Variants in DNAH11 observed in about 807,000 individuals in gnomAD.
DNAH11 encodes the protein axonemal beta dynein heavy chain 11.
Under a neutral mutation model 526.0 loss-of-function variants are expected in DNAH11, and 442 were observed. The observed-to-expected ratio is 0.84, with a 90% CI of 0.78 to 0.91. DNAH11 has a LOEUF of 0.91. DNAH11 is among the 40% of genes least tolerant of loss of function. DNAH11 has a pLI of 0.00. For missense variants in DNAH11, 6,989 were observed against 5,448.7 expected (o/e 1.28, Z -8.90); for synonymous variants, 2,461 against 1,935.9 (o/e 1.27, Z -7.12).
At chr7:21,637,854 A>G (rs953227079) in intron 27 of DNAH11, among the ~76,000 whole-genome samples, 152 bp downstream of exon 27, 3 of 152,208 alleles carry the variant, frequency 2.0e-5, no homozygotes, top group South Asian at 2.1e-4. Context: ...TGTCTCGTAC[A>G]TATGACATGG....
intron 63 of DNAH11, among the ~76,000 whole-genome samples, chr7:21,812,876 T>C (rs1419612762): frequency 6.6e-6 from 1 of 152,178 alleles, no homozygotes; most frequent in Admixed American, 6.5e-5. Flanking sequence ...TAAAGCTCTC[T>C]CATAAGTCCA....
At chr7:21,595,453 A>T (rs1053579445) in intron 14 of DNAH11, among the ~76,000 whole-genome samples, 2 of 152,318 alleles carry the variant, frequency 1.3e-5, no homozygotes, top group East Asian at 3.9e-4. Context: ...TGGATTCTGG[A>T]TATATTTTGA....
At chr7:21,582,961 C>T (rs796688793) in intron 9 of DNAH11, among the ~76,000 whole-genome samples, 1 of 151,954 alleles carries the variant, frequency 6.6e-6, no homozygotes, top group African/African-American at 2.4e-5. Flanking sequence ...ATAAAGAATT[C>T]ACGAGGATCT....
chr7:21,792,692 T>C (rs1788527367), intron 61 of DNAH11, among the ~76,000 whole-genome samples: 1 of 152,148 alleles, frequency 6.6e-6, no homozygotes, highest in Non-Finnish European at 1.5e-5. Context: ...TACATGTTCA[T>C]AGTAGTTTCT....
chr7:21,683,027 A>G (rs560587427), intron 31 of DNAH11, among the ~76,000 whole-genome samples: 4 of 152,312 alleles, frequency 2.6e-5, no homozygotes, highest in Admixed American at 2.6e-4. Context: ...ATTCTATTTT[A>G]TAAGTCTGAT....
rs1562510558 is a variant in DNAH11 at position 21,724,768 on chromosome 7, A to ATG, written c.7267-1042_7267-1041insGT. On this transcript the variant is annotated intron_variant, in intron 44 of 81. Transcript: ENST00000409508. ...GTCACTGGGCCAGGTCATCCTATGA[A>ATG]TATAGGAGTCACTGGGCCAGGTCAT... Among the ~76,000 whole-genome samples the ATG allele has an allele frequency of 4.0e-3, 603 of 150,216 alleles. 4 individuals are homozygous for ATG. The highest frequency in any genetic ancestry group is 0.014 in the Middle Eastern group (4 of 286).
chr7:21,875,687 A>G (rs892479435), intron 74 of DNAH11, among the ~76,000 whole-genome samples: 1 of 152,064 alleles, frequency 6.6e-6, no homozygotes, highest in Non-Finnish European at 1.5e-5. Flanking sequence ...TGTTAAAAAT[A>G]TGTTGCATAT....
At chr7:21,715,341 G>T (rs1784612930) in intron 42 of DNAH11, among the ~76,000 whole-genome samples, 1 of 152,208 alleles carries the variant, frequency 6.6e-6, no homozygotes, top group Non-Finnish European at 1.5e-5. Context: ...GAACAGTTCT[G>T]CAGGAAGGAG....
At chr7:21,873,951 C>T (rs190064779) in intron 74 of DNAH11, among the ~76,000 whole-genome samples, 3 of 151,908 alleles carry the variant, frequency 2.0e-5, no homozygotes, top group African/African-American at 7.2e-5. Context: ...CCACCACGCC[C>T]GGCTAATTTT....
intron 68 of DNAH11, 45 bp from the exon 69 acceptor site, chr7:21,861,808 C>A: frequency 6.2e-7 from 1 of 1,602,854 alleles, no homozygotes; most frequent in East Asian, 2.2e-5. Context: ...GCTAGACATC[C>A]AGGCACCAGT....
intron 32 of DNAH11, 67 bp from the exon 33 acceptor site, chr7:21,687,032 A>G (rs1783402764): frequency 6.8e-7 from 1 of 1,472,996 alleles, no homozygotes; most frequent in Non-Finnish European, 9.1e-7. Context: ...TTTCTAATGT[A>G]TTGCCTCTGA....
intron 74 of DNAH11, among the ~76,000 whole-genome samples, chr7:21,876,199 T>C (rs941507086): frequency 1.3e-5 from 2 of 152,150 alleles, no homozygotes; most frequent in Non-Finnish European, 2.9e-5. Context: ...AGAATATTGC[T>C]TATTTAGTGG....
intron 29 of DNAH11, among the ~76,000 whole-genome samples, chr7:21,658,235 C>T (rs1160796313): frequency 6.6e-6 from 1 of 151,860 alleles, no homozygotes. Context: ...TAATTTCTGA[C>T]AAGTGTGAAG....
chr7:21,833,704 A>G (rs1310074745), intron 65 of DNAH11, among the ~76,000 whole-genome samples: 4 of 152,130 alleles, frequency 2.6e-5, no homozygotes, highest in Non-Finnish European at 5.9e-5. Context: ...CAAAAAATAA[A>G]AAATAAAAAT....
At chr7:21,546,229 G>C (rs1478136056) in intron 2 of DNAH11, among the ~76,000 whole-genome samples, 1 of 152,140 alleles carries the variant, frequency 6.6e-6, no homozygotes, top group Non-Finnish European at 1.5e-5. Flanking sequence ...TTGAAGGGAG[G>C]TATTTTCCTG....
intron 75 of DNAH11, among the ~76,000 whole-genome samples, chr7:21,882,652 C>G (rs1455985016): frequency 6.6e-6 from 1 of 152,078 alleles, no homozygotes; most frequent in Non-Finnish European, 1.5e-5. Flanking sequence ...AAAAGATTAG[C>G]TGGGCATGGT....
chr7:21,725,783 C>T, intron 44 of DNAH11, 28 bp from the exon 45 acceptor site: 1 of 1,587,864 alleles, frequency 6.3e-7, no homozygotes, highest in Non-Finnish European at 8.6e-7. Flanking sequence ...TTTGAGTCTG[C>T]AATAAGGATT....
Position 21,849,837 on chromosome 7 carries a change from A to G in DNAH11, c.10897-2630A>G, listed in dbSNP as rs571238376. On this transcript the variant is annotated intron_variant, in intron 66 of 81. Coordinates refer to ENST00000409508, the MANE Select transcript of DNAH11 (RefSeq NM_001277115.2). ...GCTTAATGTTCTATGGGTGTCCTGG[A>G]TCTTTGGTTTGGTATCTTTCATTAA... 1.7e-4 allele frequency among the ~76,000 whole-genome samples: 26 copies of G among 152,158 alleles called. 2 individuals are homozygous for G. The highest frequency in any genetic ancestry group is 1.7e-3 in the South Asian group (8 of 4,818).
At chr7:21,824,464 G>T (rs535262619) in intron 65 of DNAH11, among the ~76,000 whole-genome samples, 152 of 152,036 alleles carry the variant, frequency 1.0e-3, no homozygotes, top group Non-Finnish European at 1.9e-3. Context: ...TTTTAATTCA[G>T]TAAATAAATA....
Sources: allele counts gnomAD v4.1 joint callset (sites outside exome capture counted in the v4.1 genomes callset), GRCh38; gene constraint gnomAD v4.1.1; transcripts MANE v1.5; gene names NCBI Gene and HGNC (gene_info 2026-07-23, HGNC 2026-07-21).